DACH2: variants seen among roughly 807,000 people sequenced by gnomAD.
The protein encoded by DACH2 is dachshund family transcription factor 2, also known as dachshund homolog 2.
DACH2 carries 17 observed loss-of-function variants against 35.8 expected under a neutral mutation model. The ratio of observed to expected loss-of-function variants is 0.48; its 90% CI spans 0.33 to 0.71. The LOEUF (loss-of-function observed/expected upper bound fraction) is 0.71. DACH2 is among the 30% of genes least tolerant of loss of function. The pLI, the probability that DACH2 is intolerant of heterozygous loss-of-function variation, is 0.02. For missense variants in DACH2, 469 were observed against 472.7 expected (o/e 0.99, Z 0.07); for synonymous variants, 195 against 177.3 (o/e 1.10, Z -0.79).
At chrX:86,707,743 C>T (rs186562594) in intron 5 of DACH2, among the ~76,000 whole-genome samples, 22 of 107,775 alleles carry the variant, frequency 2.0e-4, no homozygotes, top group African/African-American at 6.5e-4. Flanking sequence ...GCTGAAACCC[C>T]GTCTCTACTA....
At chrX:86,818,391 A>C (rs925338392) in intron 11 of DACH2, among the ~76,000 whole-genome samples, 13 of 111,394 alleles carry the variant, frequency 1.2e-4, no homozygotes, top group African/African-American at 3.9e-4. Flanking sequence ...CAGGTCAAAT[A>C]ATTATCTAAA....
chrX:86,610,406 TTTCTTTCTTTCTTTTC>T (rs1231718265), intron 3 of DACH2, among the ~76,000 whole-genome samples: 1,108 of 80,092 alleles, frequency 0.014, 9 homozygotes, highest in East Asian at 0.06. Context: ...TCTTTCTTTC[TTTCTTTCTTTCTTTTC>T]TTTCTTTCTT....
intron 1 of DACH2, among the ~76,000 whole-genome samples, chrX:86,257,183 A>G (rs1421367616): frequency 9.0e-6 from 1 of 111,531 alleles, no homozygotes; most frequent in African/African-American, 3.3e-5. Flanking sequence ...TATTGATTGT[A>G]TTTTTAGGTG....
At chrX:86,229,932 C>T (rs2032912519) in intron 1 of DACH2, among the ~76,000 whole-genome samples, 3 of 110,620 alleles carry the variant, frequency 2.7e-5, no homozygotes, top group Non-Finnish European at 3.8e-5. Context: ...GTTTGACTTC[C>T]TTTTTACTGA....
intron 7 of DACH2, among the ~76,000 whole-genome samples, chrX:86,772,487 T>G (rs956297816): frequency 9.0e-6 from 1 of 111,488 alleles, no homozygotes; most frequent in Non-Finnish European, 1.9e-5. Context: ...AAGAAAACCA[T>G]GAAAACTTAG....
At chrX:86,392,004 G>T (rs2036211483) in intron 2 of DACH2, among the ~76,000 whole-genome samples, 2 of 110,245 alleles carry the variant, frequency 1.8e-5, no homozygotes, top group African/African-American at 6.6e-5. Flanking sequence ...ATTAAGTTCT[G>T]AGATACATGT....
intron 1 of DACH2, among the ~76,000 whole-genome samples, chrX:86,276,846 T>C (rs1569325749): frequency 9.0e-6 from 1 of 111,639 alleles, no homozygotes; most frequent in East Asian, 2.8e-4. Flanking sequence ...TATAGGTGTG[T>C]GGATTTGTTT....
intron 3 of DACH2, among the ~76,000 whole-genome samples, chrX:86,582,047 A>G (rs1480763438): frequency 8.9e-6 from 1 of 112,189 alleles, no homozygotes; most frequent in South Asian, 3.6e-4. Flanking sequence ...ATGGAAATCA[A>G]TACTAAGGAA....
At chrX:86,417,089 CAAAAAAA>C (rs386417185) in intron 2 of DACH2, among the ~76,000 whole-genome samples, 4 of 23,035 alleles carry the variant, frequency 1.7e-4, no homozygotes, top group Admixed American at 8.2e-4. Context: ...GACTCCATCT[CAAAAAAA>C]AAAAAAAAAA....
chrX:86,286,006 G>A (rs2034136954), intron 1 of DACH2, among the ~76,000 whole-genome samples: 1 of 109,762 alleles, frequency 9.1e-6, no homozygotes, highest in Admixed American at 9.7e-5. Context: ...GCCTTGGATG[G>A]CATATCTTTT....
chrX:86,210,902 A>G (rs755037972), intron 1 of DACH2, among the ~76,000 whole-genome samples: 15 of 111,922 alleles, frequency 1.3e-4, no homozygotes, highest in Non-Finnish European at 2.5e-4. Flanking sequence ...AAAAGGGAGC[A>G]GAGATGGTTC....
intron 3 of DACH2, among the ~76,000 whole-genome samples, chrX:86,574,780 G>C (rs1301169659): frequency 9.0e-6 from 1 of 111,323 alleles, no homozygotes; most frequent in Non-Finnish European, 1.9e-5. Flanking sequence ...CAGTGGAGAA[G>C]GACAGAATAT....
intron 3 of DACH2, among the ~76,000 whole-genome samples, chrX:86,539,658 G>C (rs2038853685): frequency 9.0e-6 from 1 of 111,510 alleles, no homozygotes; most frequent in Non-Finnish European, 1.9e-5. Flanking sequence ...TAAATATGGG[G>C]CACAAAATGA....
intron 5 of DACH2, among the ~76,000 whole-genome samples, chrX:86,702,122 C>A (rs760478062): frequency 1.8e-4 from 20 of 111,563 alleles, no homozygotes; most frequent in Non-Finnish European, 3.6e-4. Context: ...CCAAAGGAAC[C>A]CTCAACGCTA....
chrX:86,711,021 G>A (rs185807785), intron 5 of DACH2, among the ~76,000 whole-genome samples: 77 of 112,107 alleles, frequency 6.9e-4, no homozygotes, highest in African/African-American at 2.5e-3. Context: ...CTAGAAGGAG[G>A]TGGTGCTATG....
chrX:86,307,371 C>T (rs955397070), intron 1 of DACH2, among the ~76,000 whole-genome samples: 3 of 111,920 alleles, frequency 2.7e-5, no homozygotes, highest in African/African-American at 9.8e-5. Context: ...CAGGTGTCTA[C>T]TGTTAAAGTG....
At chrX:86,507,483 A>C (rs951507124) in intron 2 of DACH2, among the ~76,000 whole-genome samples, 2 of 109,280 alleles carry the variant, frequency 1.8e-5, no homozygotes, top group Admixed American at 9.9e-5. Context: ...AAAAAAAAAA[A>C]AAACCAGCGG....
chrX:86,681,605 C>CTA (rs1196152287), intron 4 of DACH2, among the ~76,000 whole-genome samples: 3 of 101,678 alleles, frequency 3.0e-5, no homozygotes, highest in Admixed American at 1.1e-4. Context: ...CTCTCTCTCT[C>CTA]TCTCTATATA....
chrX:86,671,608 C>T (rs2040765828), intron 4 of DACH2, among the ~76,000 whole-genome samples: 1 of 111,545 alleles, frequency 9.0e-6, no homozygotes, highest in Non-Finnish European at 1.9e-5. Flanking sequence ...TTGCCTTCCG[C>T]CATGATTGTA....
Sources: allele counts gnomAD v4.1 joint callset (sites outside exome capture counted in the v4.1 genomes callset), GRCh38; gene constraint gnomAD v4.1.1; transcripts MANE v1.5; gene names NCBI Gene and HGNC (gene_info 2026-07-23, HGNC 2026-07-21).